The following NAA35 variants were observed in gnomAD, a reference collection of about 807,000 sequenced individuals.
NAA35 encodes the protein N-alpha-acetyltransferase 35, NatC auxiliary subunit.
NAA35 carries 18 observed loss-of-function variants against 101.7 expected under a neutral mutation model. That is an observed-to-expected ratio of 0.18 (90% CI 0.12 to 0.26). The LOEUF is 0.26. Ranked by LOEUF, NAA35 falls within the 10% of genes least tolerant of loss-of-function variation. NAA35 has a pLI of 1.00. For missense variants in NAA35, 601 were observed against 886.8 expected (o/e 0.68, Z 4.09); for synonymous variants, 267 against 273.1 (o/e 0.98, Z 0.22).
chr9:85,983,498 A>G (rs1830521226), intron 11 of NAA35, among the ~76,000 whole-genome samples: 1 of 152,118 alleles, frequency 6.6e-6, no homozygotes, highest in African/African-American at 2.4e-5. Context: ...AAATCTGAGT[A>G]TATAGTTAAG....
intron 6 of NAA35, among the ~76,000 whole-genome samples, chr9:85,965,114 T>G (rs1829686513): frequency 6.6e-6 from 1 of 152,214 alleles, no homozygotes; most frequent in Non-Finnish European, 1.5e-5. Context: ...CTTAACGACT[T>G]CAGAAAAGAG....
chr9:85,965,353 A>T (rs902605210), intron 6 of NAA35, among the ~76,000 whole-genome samples: 1 of 152,222 alleles, frequency 6.6e-6, no homozygotes, highest in Admixed American at 6.5e-5. Context: ...CTGGCCAGGC[A>T]TGGTGGCTCA....
rs982580675 is a variant in NAA35, at chr9:85,976,667, C to G, written c.628-18C>G. ...TTTTTTCAGGTTTGTGTTTAATTCACCTTTTTTAAAATTTTAGAGTACTCG... is the reference window on the plus strand; with the variant it reads ...TTTTTTCAGGTTTGTGTTTAATTCAGCTTTTTTAAAATTTTAGAGTACTCG... On this transcript the variant is annotated intron_variant, in intron 8 of 22. Coordinates refer to ENST00000361671, the MANE Select transcript of NAA35 (RefSeq NM_024635.4). 9.6e-6 allele frequency: 15 copies of G among 1,559,448 alleles called. No individual in the cohort carries two copies. Among genetic ancestry groups the G allele is most frequent in the African/African-American group, 1.4e-5 (1 of 72,030 alleles).
At chr9:85,986,972 A>T in intron 11 of NAA35, 1 of 157,216 alleles carries the variant, frequency 6.4e-6, no homozygotes, top group Non-Finnish European at 1.4e-5. Context: ...TGCTAATGAG[A>T]GCTGATGAGC....
intron 12 of NAA35, among the ~76,000 whole-genome samples, chr9:86,002,887 G>A (rs1335701606): frequency 5.9e-5 from 9 of 152,138 alleles, no homozygotes; most frequent in African/African-American, 4.8e-5. Context: ...GAGAACTGGT[G>A]CAGTCATTTG....
intron 11 of NAA35, among the ~76,000 whole-genome samples, chr9:85,980,438 A>G (rs189419348): frequency 1.3e-5 from 2 of 152,242 alleles, no homozygotes; most frequent in Admixed American, 1.3e-4. Context: ...AGTCATTCGC[A>G]TATCAAAAGA....
chr9:85,942,137 T>G lies in NAA35; in HGVS notation c.-5-18T>G, dbSNP rs928807260. On this transcript the variant is annotated intron_variant, in intron 1 of 22. Transcript: ENST00000361671. The stretch of plus-strand genomic sequence containing the variant: ...TGAAAGCTACATCCTCTCTCTTACA[T>G]CAGTATTAATTTTACAGGCATAATG... 5 of 1,607,646 alleles carry G rather than the reference T, an allele frequency of 3.1e-6. No individual in the cohort carries two copies. In the African/African-American group the frequency reaches 4.0e-5, roughly 13 times the overall value.
chr9:85,991,437 A>G (rs1444331028), intron 11 of NAA35, among the ~76,000 whole-genome samples: 2 of 152,080 alleles, frequency 1.3e-5, no homozygotes, highest in East Asian at 1.9e-4. Context: ...TTTCCCAGGT[A>G]TGGGGTGTCA....
chr9:86,007,390 T>C lies in NAA35; in HGVS notation c.1149T>C (p.Phe383=), dbSNP rs749934015. Residue 383 remains phenylalanine (F), a synonymous_variant, in exon 14 of 23, where the codon TTT becomes TTC. Transcript: ENST00000361671. ...TCCTGGTGGATAACAAAAAGGTCTT[T>C]GGAACTCATCTCATGCAAGACATGG... ...TTFLVDNKKV[F]GTHLMQDMVK... is the part of the protein sequence containing the mutation. 23 of 1,613,788 alleles carry C rather than the reference T, an allele frequency of 1.4e-5. No homozygotes were observed. Among genetic ancestry groups the C allele is most frequent in the East Asian group, 2.2e-5 (1 of 44,874 alleles).
rs747075715 is a variant in NAA35 at position 85,942,145 on chromosome 9, A to G, written c.-5-10A>G. 6.2e-7 allele frequency: 1 copy of G among 1,609,346 alleles called. No individual in the cohort carries two copies. The highest frequency in any genetic ancestry group is 8.5e-7 in the Non-Finnish European group (1 of 1,178,832). On this transcript the variant is annotated splice_polypyrimidine_tract_variant and intron_variant, in intron 1 of 22. Coordinates refer to ENST00000361671, the MANE Select transcript of NAA35 (RefSeq NM_024635.4). Reference sequence around the variant, plus strand: ...ACATCCTCTCTCTTACATCAGTATTAATTTTACAGGCATAATGGTTATGAA... The same window carrying G: ...ACATCCTCTCTCTTACATCAGTATTGATTTTACAGGCATAATGGTTATGAA...
chr9:85,994,509 G>A (rs1488453572), intron 11 of NAA35, among the ~76,000 whole-genome samples: 1 of 152,194 alleles, frequency 6.6e-6, no homozygotes, highest in Non-Finnish European at 1.5e-5. Flanking sequence ...CAGCTTTTAT[G>A]TTGTTTTCCA....
chr9:85,953,799 CCTGA>C (rs1339024951), intron 2 of NAA35, among the ~76,000 whole-genome samples: 9 of 152,038 alleles, frequency 5.9e-5, no homozygotes, highest in Admixed American at 3.9e-4. Context: ...TCTTTTTGTG[CCTGA>C]CTTTTTTCAC....
At chr9:86,006,633 T>G (rs958535756) in intron 13 of NAA35, among the ~76,000 whole-genome samples, 2 of 151,894 alleles carry the variant, frequency 1.3e-5, no homozygotes, top group Non-Finnish European at 2.9e-5. Flanking sequence ...TTGCCAGGGG[T>G]TTGGGGCGGG....
intron 5 of NAA35, among the ~76,000 whole-genome samples, chr9:85,960,548 T>A (rs1281245043): frequency 6.6e-6 from 1 of 152,254 alleles, no homozygotes. Flanking sequence ...TTATTAGATA[T>A]CTGTATTATC....
intron 6 of NAA35, among the ~76,000 whole-genome samples, chr9:85,962,964 T>C (rs1194094889): frequency 1.3e-5 from 2 of 152,080 alleles, no homozygotes; most frequent in Admixed American, 1.3e-4. Context: ...CCCTTTAGTA[T>C]AAAAAATAAG....
rs145261562 is a variant in NAA35 at position 86,006,262 on chromosome 9, T to A, written c.1117-1096T>A. On this transcript the variant is annotated intron_variant, in intron 13 of 22. Transcript: ENST00000361671. ...GGTTCAGCTGCTTTGGAAAATAGCT[T>A]GGCACGTTCTTATAAATTAAACATG... Among the ~76,000 whole-genome samples, 292 of 152,268 alleles carry A rather than the reference T, an allele frequency of 1.9e-3. 5 individuals are homozygous for A. Among genetic ancestry groups the A allele is most frequent in the Admixed American group, 0.015 (227 of 15,284 alleles).
chr9:86,003,721 A>G (rs151031850), intron 13 of NAA35, 77 bp downstream of exon 13: 1 of 851,732 alleles, frequency 1.2e-6, no homozygotes, highest in African/African-American at 1.7e-5. Flanking sequence ...TTGATTGAAC[A>G]AAAGGTAGAT....
In NAA35 at chr9:86,025,348, C is replaced by T. The variant is rs1256169537; in HGVS notation, c.*3388C>T. Among the ~76,000 whole-genome samples the T allele has an allele frequency of 1.3e-5, 2 of 152,118 alleles. No homozygotes were observed. Among genetic ancestry groups the T allele is most frequent in the Non-Finnish European group, 2.9e-5 (2 of 68,036 alleles). ...AGGGGTGGGGCAGAAGCTGGAAAGT[C>T]AGTTGAGGTGTAGACCATGCAGTGA... On this transcript the variant is annotated 3_prime_UTR_variant, in exon 23 of 23. Transcript: ENST00000361671.
chr9:86,013,130 A>G lies in NAA35; in HGVS notation c.1375A>G (p.Thr459Ala). 6.3e-7 allele frequency: 1 copy of G among 1,593,818 alleles called. No homozygotes were observed. The highest frequency in any genetic ancestry group is 8.6e-7 in the Non-Finnish European group (1 of 1,165,860). Reference protein sequence around the residue: ...KLGHILEEFATLQDEAEKVDA... With the variant: ...KLGHILEEFAALQDEAEKVDA... ...TGGTCATATTCTTGAGGAATTTGCC[A>G]CCTTGCAGGATGAGGTAAGAGCCAG... The change falls in exon 16 of 23, where the codon ACC becomes GCC. Residue 459 changes from threonine (T) to alanine (A), a missense_variant. Thr to Ala is a moderately conservative substitution (Grantham distance 58). Transcript: ENST00000361671.
Sources: gnomAD v4.1 joint callset for allele counts (sites outside exome capture counted in the v4.1 genomes callset) on GRCh38, gnomAD v4.1.1 for gene constraint, MANE v1.5 for transcripts, NCBI Gene and HGNC (gene_info 2026-07-23, HGNC 2026-07-21) for gene names.